The following ZC3H18 variants were observed in gnomAD, a reference collection of about 807,000 sequenced individuals.
ZC3H18 encodes zinc finger CCCH-type containing 18.
Under a neutral mutation model 106.1 loss-of-function variants are expected in ZC3H18, and 8 were observed. The ratio of observed to expected loss-of-function variants is 0.08; its 90% CI spans 0.04 to 0.14. ZC3H18 has a LOEUF of 0.14. Ranked by LOEUF, ZC3H18 falls within the 10% of genes least tolerant of loss-of-function variation. The probability of loss-of-function intolerance (pLI) is 1.00; values close to 1 mark genes in which losing one functional copy is unlikely to be tolerated. For synonymous variants in ZC3H18, 635 were observed against 522.1 expected (o/e 1.22, Z -2.95); for missense variants, 1,318 against 1,278.4 (o/e 1.03, Z -0.47).
chr16:88,614,389 C>G (rs932264663), intron 8 of ZC3H18, among the ~76,000 whole-genome samples: 1 of 152,220 alleles, frequency 6.6e-6, no homozygotes, highest in African/African-American at 2.4e-5. Flanking sequence ...CTGGACGACA[C>G]CCGCTCTTGT....
chr16:88,573,356 G>A (rs1313364378), intron 1 of ZC3H18, among the ~76,000 whole-genome samples: 1 of 152,032 alleles, frequency 6.6e-6, no homozygotes, highest in Non-Finnish European at 1.5e-5. Flanking sequence ...CTAGGCAAGA[G>A]AGAGAATTGC....
intron 8 of ZC3H18, among the ~76,000 whole-genome samples, chr16:88,614,225 G>A (rs927878216): frequency 2.6e-5 from 4 of 152,242 alleles, no homozygotes; most frequent in Admixed American, 2.0e-4. Context: ...CGTGGCTGGA[G>A]CCACACAGTG....
At chr16:88,618,752 G>C (rs1436040648) in intron 8 of ZC3H18, among the ~76,000 whole-genome samples, 1 of 152,212 alleles carries the variant, frequency 6.6e-6, no homozygotes, top group Non-Finnish European at 1.5e-5. Context: ...CTGCGGGAAA[G>C]GCTACTTCCT....
chr16:88,613,047 AT>A (rs1018085641), intron 8 of ZC3H18, among the ~76,000 whole-genome samples: 1 of 152,008 alleles, frequency 6.6e-6, no homozygotes, highest in African/African-American at 2.4e-5. Context: ...GTCACTCTCC[AT>A]TTTCCCCACA....
At chr16:88,619,555 G>T (rs948923673) in intron 8 of ZC3H18, among the ~76,000 whole-genome samples, 1 of 152,198 alleles carries the variant, frequency 6.6e-6, no homozygotes, top group Middle Eastern at 3.2e-3. Context: ...TTGAAATTCG[G>T]TATCATTGTC....
At chr16:88,621,478 C>A (rs1446739526) in intron 8 of ZC3H18, among the ~76,000 whole-genome samples, 1 of 152,172 alleles carries the variant, frequency 6.6e-6, no homozygotes, top group African/African-American at 2.4e-5. Context: ...CCCGCCTCGG[C>A]CTCCCAAAGT....
intron 1 of ZC3H18, among the ~76,000 whole-genome samples, chr16:88,570,781 G>C (rs1252238278): frequency 6.6e-6 from 1 of 152,100 alleles, no homozygotes; most frequent in Admixed American, 6.5e-5. Context: ...CCGGCCCCGC[G>C]GTCCTGGGGC....
At chr16:88,573,658 C>T (rs1305683126) in intron 1 of ZC3H18, among the ~76,000 whole-genome samples, 1 of 151,922 alleles carries the variant, frequency 6.6e-6, no homozygotes, top group African/African-American at 2.4e-5. Context: ...GTGATTCTCC[C>T]ACCTCAACCA....
At chr16:88,625,076 C>T in intron 12 of ZC3H18, 126 bp from the exon 13 acceptor site, 3 of 1,129,678 alleles carry the variant, frequency 2.7e-6, no homozygotes, top group Non-Finnish European at 3.8e-6. Context: ...CAGGCCCAGG[C>T]CCTGTTCCAA....
chr16:88,603,696 C>T (rs575593764), intron 6 of ZC3H18, among the ~76,000 whole-genome samples: 3 of 149,722 alleles, frequency 2.0e-5, no homozygotes, highest in Non-Finnish European at 4.4e-5. Flanking sequence ...AATCTGGGCT[C>T]ACTGCAAGCT....
intron 6 of ZC3H18, among the ~76,000 whole-genome samples, chr16:88,601,656 C>T (rs1904756423): frequency 6.6e-6 from 1 of 152,140 alleles, no homozygotes; most frequent in African/African-American, 2.4e-5. Context: ...CTGCAGGACC[C>T]CCAAATGTTA....
chr16:88,617,466 T>C (rs1373011079), intron 8 of ZC3H18, among the ~76,000 whole-genome samples: 2 of 152,234 alleles, frequency 1.3e-5, no homozygotes, highest in Admixed American at 6.5e-5. Flanking sequence ...AAACCTAATC[T>C]TTATAGCTAG....
At chr16:88,628,250 C>A in intron 15 of ZC3H18, 131 bp downstream of exon 15, 1 of 1,047,872 alleles carries the variant, frequency 9.5e-7, no homozygotes, top group Non-Finnish European at 1.4e-6. Context: ...GTCAGCACAG[C>A]CTGGGTAACA....
intron 3 of ZC3H18, among the ~76,000 whole-genome samples, chr16:88,591,085 CT>C (rs1196821771): frequency 6.6e-6 from 1 of 151,966 alleles, no homozygotes; most frequent in Admixed American, 6.5e-5. Context: ...ATTCTCCTGC[CT>C]CAGCCTCCTG....
In ZC3H18 at chr16:88,624,583, G is replaced by A. The variant is rs375060834; in HGVS notation, c.1899-19G>A. 5.6e-6 allele frequency: 9 copies of A among 1,612,266 alleles called. No individual in the cohort carries two copies. The highest frequency in any genetic ancestry group is 3.3e-5 in the South Asian group (3 of 90,946). ...CCCGTCCACCAGCCCTGCCCTGCTC[G>A]AGCCTCCCTGTCTCACAGAGAGAAG... is the stretch of plus-strand genomic sequence containing the variant. On this transcript the variant is annotated intron_variant, in intron 11 of 17. Transcript: ENST00000301011.
chr16:88,631,302 C>A lies in ZC3H18; in HGVS notation c.*3C>A. 1.3e-6 allele frequency: 2 copies of A among 1,573,302 alleles called. No homozygotes were observed. Among genetic ancestry groups the A allele is most frequent in the Middle Eastern group, 1.7e-4 (1 of 6,016 alleles). ...CCAAGATCCCCGGGAAAGCATAGGC[C>A]GTGCCCCGACCGGACTGGACGCATT... On this transcript the variant is annotated 3_prime_UTR_variant, in exon 18 of 18. Coordinates refer to ENST00000301011, the MANE Select transcript of ZC3H18 (RefSeq NM_144604.4).
At chr16:88,594,200 G>A (rs1200870304) in intron 3 of ZC3H18, among the ~76,000 whole-genome samples, 2 of 152,022 alleles carry the variant, frequency 1.3e-5, no homozygotes, top group Non-Finnish European at 2.9e-5. Flanking sequence ...CAAGAGATTC[G>A]CAAAAAGGCA....
intron 3 of ZC3H18, among the ~76,000 whole-genome samples, chr16:88,595,108 G>A (rs1904360083): frequency 6.6e-6 from 1 of 152,196 alleles, no homozygotes; most frequent in African/African-American, 2.4e-5. Context: ...CTGAGATTGT[G>A]CCATTGCACT....
chr16:88,623,693 T>C, intron 10 of ZC3H18: 1 of 584,552 alleles, frequency 1.7e-6, no homozygotes, highest in Non-Finnish European at 2.9e-6. Flanking sequence ...AAGGAGCCTG[T>C]CTCCTCCTGT....
Sources: allele counts gnomAD v4.1 joint callset (sites outside exome capture counted in the v4.1 genomes callset), GRCh38; gene constraint gnomAD v4.1.1; transcripts MANE v1.5; gene names NCBI Gene and HGNC (gene_info 2026-07-23, HGNC 2026-07-21).